The following COL23A1 variants were observed in gnomAD, a reference collection of about 807,000 sequenced individuals.
COL23A1 encodes the protein collagen type XXIII alpha 1 chain.
A neutral mutation model predicts 99.3 loss-of-function variants in COL23A1; 97 were observed. The ratio of observed to expected loss-of-function variants is 0.98; its 90% CI spans 0.83 to 1.16. The LOEUF is 1.16. COL23A1 is among the 50% of genes most tolerant of loss of function. The pLI, the probability that COL23A1 is intolerant of heterozygous loss-of-function variation, is 0.00. For missense variants in COL23A1, 762 were observed against 757.4 expected, an observed-to-expected ratio of 1.01 and a Z score of -0.07; for synonymous variants, 320 against 308.2, an observed-to-expected ratio of 1.04 and a Z score of -0.40.
Position 178,268,963 on chromosome 5 carries a change from C to T in COL23A1, c.469-207G>A, listed in dbSNP as rs563714325. ...ATCTCAGTCCTCAGCATGAGGGATACGGGGGAATTGCGGGTGACCAGCAAG... is the reference window on the plus strand; with the variant it reads ...ATCTCAGTCCTCAGCATGAGGGATATGGGGGAATTGCGGGTGACCAGCAAG... On this transcript the variant is annotated intron_variant, in intron 6 of 28. Coordinates refer to ENST00000390654, the MANE Select transcript of COL23A1 (RefSeq NM_173465.4). Among the ~76,000 whole-genome samples, 11 of 152,230 alleles carry T rather than the reference C, an allele frequency of 7.2e-5. No homozygotes were observed. In the South Asian group the frequency reaches 1.0e-3, roughly 14 times the overall value.
intron 2 of COL23A1, among the ~76,000 whole-genome samples, chr5:178,368,683 G>A (rs373296312): frequency 1.7e-4 from 26 of 152,036 alleles, no homozygotes; most frequent in Admixed American, 5.2e-4. Flanking sequence ...TCCAGAAGCC[G>A]TCAGCCTCCA....
At chr5:178,553,023 A>C (rs1762086826) in intron 2 of COL23A1, among the ~76,000 whole-genome samples, 1 of 151,998 alleles carries the variant, frequency 6.6e-6, no homozygotes, top group African/African-American at 2.4e-5. Context: ...AATTTTTTTT[A>C]ATTAGCCATG....
chr5:178,452,125 G>C (rs1767524558), intron 2 of COL23A1, among the ~76,000 whole-genome samples: 1 of 152,030 alleles, frequency 6.6e-6, no homozygotes, highest in Non-Finnish European at 1.5e-5. Context: ...ATAAAGTCTA[G>C]GTAATTAAAA....
At chr5:178,385,666 G>A (rs746276657) in intron 2 of COL23A1, among the ~76,000 whole-genome samples, 1 of 152,164 alleles carries the variant, frequency 6.6e-6, no homozygotes, top group African/African-American at 2.4e-5. Flanking sequence ...GACGTTAAGC[G>A]CATCATCTGC....
intron 12 of COL23A1, among the ~76,000 whole-genome samples, chr5:178,257,818 G>A (rs1459315829): frequency 1.3e-5 from 2 of 152,252 alleles, no homozygotes; most frequent in Non-Finnish European, 2.9e-5. Flanking sequence ...GTGAATGAGG[G>A]TACATTCATC....
intron 4 of COL23A1, among the ~76,000 whole-genome samples, chr5:178,288,983 A>AC (rs1757310187): frequency 6.6e-6 from 1 of 152,148 alleles, no homozygotes; most frequent in Admixed American, 6.5e-5. Flanking sequence ...TAAAAAAGAA[A>AC]CAAAAAAAAC....
chr5:178,366,580 TGTGTCG>T lies in COL23A1; in HGVS notation c.362-59667_362-59662del, dbSNP rs1247602367. Among the ~76,000 whole-genome samples, 2 of 152,144 alleles carry T rather than the reference TGTGTCG, an allele frequency of 1.3e-5. No individual in the cohort carries two copies. Among genetic ancestry groups the T allele is most frequent in the African/African-American group, 4.8e-5 (2 of 41,430 alleles). Reference sequence around the variant, plus strand: ...TTTCAGATCACCCGCCCTGCGAAAATGTGTCGGTGATCACTGTGACTAGAACAAGTC... The same window carrying T: ...TTTCAGATCACCCGCCCTGCGAAAATGTGATCACTGTGACTAGAACAAGTC... On this transcript the variant is annotated intron_variant, in intron 2 of 28. Coordinates refer to ENST00000390654, the MANE Select transcript of COL23A1 (RefSeq NM_173465.4). This position sits in a 1 kb window ranked among gnomAD's most constrained non-coding sequence, Gnocchi z 4.4.
intron 2 of COL23A1, among the ~76,000 whole-genome samples, chr5:178,443,555 G>C (rs890583246): frequency 6.6e-6 from 1 of 152,148 alleles, no homozygotes; most frequent in Non-Finnish European, 1.5e-5. Flanking sequence ...CTGCCTCCCA[G>C]GTTCAAGTGA....
At chr5:178,509,559 C>T (rs1352802282) in intron 2 of COL23A1, among the ~76,000 whole-genome samples, 2 of 152,088 alleles carry the variant, frequency 1.3e-5, no homozygotes, top group African/African-American at 4.8e-5. Context: ...TGAGATCTGG[C>T]ACATTGAAAT....
intron 2 of COL23A1, among the ~76,000 whole-genome samples, chr5:178,546,827 C>G (rs1321526701): frequency 6.6e-6 from 1 of 152,186 alleles, no homozygotes; most frequent in Admixed American, 6.5e-5. Flanking sequence ...AAGGTGTGGG[C>G]TTGGCAGGCT....
chr5:178,450,457 G>A (rs1041037750), intron 2 of COL23A1, among the ~76,000 whole-genome samples: 4 of 152,198 alleles, frequency 2.6e-5, no homozygotes, highest in Admixed American at 6.5e-5. Flanking sequence ...AGCTGGAGCA[G>A]CCAGCGGGGG....
rs1166687815 is a variant in COL23A1 at position 178,281,524 on chromosome 5, G to C, written c.441+6800C>G. 6.6e-6 allele frequency among the ~76,000 whole-genome samples: 1 copy of C among 152,136 alleles called. No homozygotes were observed. Among genetic ancestry groups the C allele is most frequent in the African/African-American group, 2.4e-5 (1 of 41,444 alleles). On this transcript the variant is annotated intron_variant, in intron 5 of 28. Transcript: ENST00000390654. The surrounding 1 kb of genome is among the most constrained non-coding windows in gnomAD (Gnocchi z 4.0). Reference sequence around the variant, plus strand: ...CTCCCTCGACTCCAGAGGGGCTTGGGCACGGCGCTCCGGGGCCCAGGAGGT... The same window carrying C: ...CTCCCTCGACTCCAGAGGGGCTTGGCCACGGCGCTCCGGGGCCCAGGAGGT...
intron 2 of COL23A1, among the ~76,000 whole-genome samples, chr5:178,553,405 A>C (rs1762111661): frequency 6.6e-6 from 1 of 152,200 alleles, no homozygotes; most frequent in African/African-American, 2.4e-5. Context: ...CAAACTGCCA[A>C]ATGTTTTGAT....
intron 2 of COL23A1, among the ~76,000 whole-genome samples, chr5:178,546,191 T>G (rs1444566916): frequency 6.6e-6 from 1 of 152,054 alleles, no homozygotes; most frequent in Non-Finnish European, 1.5e-5. Flanking sequence ...CATGCACACA[T>G]GAAATATGGG....
At chr5:178,512,544 G>T (rs757015167) in intron 2 of COL23A1, among the ~76,000 whole-genome samples, 1 of 152,170 alleles carries the variant, frequency 6.6e-6, no homozygotes, top group Admixed American at 6.5e-5. Flanking sequence ...ACAGAAAGGT[G>T]TCAGGTGTGC....
chr5:178,249,716 A>ACACACACACTCTCTCTCT, intron 18 of COL23A1, among the ~76,000 whole-genome samples: 56 of 92,798 alleles, frequency 6.0e-4, no homozygotes, highest in African/African-American at 2.3e-3. Context: ...ACACACACAC[A>ACACACACACTCTCTCTCT]CTCTCTCTCT....
chr5:178,446,202 A>C (rs1767152202), intron 2 of COL23A1, among the ~76,000 whole-genome samples: 1 of 152,118 alleles, frequency 6.6e-6, no homozygotes, highest in South Asian at 2.1e-4. Context: ...ATACAATATT[A>C]ATTAAAATAG....
intron 2 of COL23A1, among the ~76,000 whole-genome samples, chr5:178,344,166 A>C (rs2127666865): frequency 6.6e-6 from 1 of 152,342 alleles, no homozygotes; most frequent in Admixed American, 6.5e-5. Context: ...CAGCACCCCC[A>C]AAAGATACCA....
Position 178,590,324 on chromosome 5 carries a change from A to C in COL23A1, c.-127T>G. 1.2e-6 allele frequency: 1 copy of C among 869,306 alleles called. No homozygotes were observed. The highest frequency in any genetic ancestry group is 1.5e-6 in the Non-Finnish European group (1 of 679,834). 53.8% of individuals were successfully genotyped at this position (869,306 alleles called of 1,614,324 possible). ...CGGGCGCGGGGGTTAGCCTCCGGGT[A>C]GCAGCGGATCGCCGCGCACGCCCCC... On this transcript the variant is annotated 5_prime_UTR_variant, in exon 1 of 29. Coordinates refer to ENST00000390654, the MANE Select transcript of COL23A1 (RefSeq NM_173465.4). This position sits in a 1 kb window ranked among gnomAD's most constrained non-coding sequence, Gnocchi z 5.7.
Sources: allele counts gnomAD v4.1 joint callset (sites outside exome capture counted in the v4.1 genomes callset), GRCh38; gene constraint gnomAD v4.1.1; non-coding constraint Gnocchi (gnomAD v3.1); transcripts MANE v1.5; gene names NCBI Gene and HGNC (gene_info 2026-07-23, HGNC 2026-07-21).